The following PSD4 variants were observed in gnomAD, a reference collection of about 807,000 sequenced individuals.
PSD4 encodes PH and SEC7 domain-containing protein 4.
A neutral mutation model predicts 112.5 loss-of-function variants in PSD4; 59 were observed. The ratio of observed to expected loss-of-function variants is 0.52; its 90% CI spans 0.43 to 0.65. PSD4 has a LOEUF of 0.65. Among genes scored for constraint, PSD4 ranks in the 30% least tolerant of loss-of-function variants. PSD4 has a pLI of 0.00. For missense variants in PSD4, 1,267 were observed against 1,352.6 expected, an observed-to-expected ratio of 0.94 and a Z score of 0.99; for synonymous variants, 533 against 540.0, an observed-to-expected ratio of 0.99 and a Z score of 0.18.
At chr2:113,193,464 G>C in intron 8 of PSD4, 94 bp downstream of exon 8, 1 of 1,479,320 alleles carries the variant, frequency 6.8e-7, no homozygotes, top group African/African-American at 1.4e-5. Flanking sequence ...ACTGGTGGGA[G>C]TGTGTTGGGG....
Position 113,192,512 on chromosome 2 carries a change from A to T in PSD4, c.1761A>T (p.Val587=), listed in dbSNP as rs1235536030. The T allele has an allele frequency of 6.2e-7, 1 of 1,614,122 alleles. No homozygotes were observed. The highest frequency in any genetic ancestry group is 1.7e-5 in the Admixed American group (1 of 60,012). ...CTAATGGCGTCAGGAACAACAAGGTAGCCTGGAACTTGGCCTCACGCCTCT... is the reference window on the plus strand; with the variant it reads ...CTAATGGCGTCAGGAACAACAAGGTTGCCTGGAACTTGGCCTCACGCCTCT... ...KLANGVRNNK[V]AWNLASRLYR... is the part of the protein sequence containing the mutation. The change falls in exon 6 of 17, where the codon GTA becomes GTT. Residue 587 remains valine, a synonymous_variant. Transcript: ENST00000245796.
Position 113,199,223 on chromosome 2 carries a change from C to A in PSD4, c.2910C>A (p.Tyr970Ter). 1 of 1,493,692 alleles carries A rather than the reference C, an allele frequency of 6.7e-7. No individual in the cohort carries two copies. The highest frequency in any genetic ancestry group is 2.4e-5 in the Admixed American group (1 of 41,994). The allele number at this position is 1,493,692 out of a possible 1,614,324, so 92.5% of individuals were successfully genotyped here. The change falls in exon 16 of 17, where the codon TAC becomes TAA. Residue 970 changes from tyrosine to a stop codon, truncating the protein, a stop_gained. Transcript: ENST00000245796. LOFTEE classifies it high-confidence loss of function. Reference sequence around the variant, plus strand: ...GCCTGCGGAAGGAGTACCTGGAGTACGAGGTGAGCGGCCGAGCCCACCTCC... The same window carrying A: ...GCCTGCGGAAGGAGTACCTGGAGTAAGAGGTGAGCGGCCGAGCCCACCTCC... ...EHRLRKEYLE[Y>*]EKTRYETYVQ...
intron 1 of PSD4, among the ~76,000 whole-genome samples, chr2:113,176,139 C>A (rs1687966806): frequency 6.6e-6 from 1 of 152,202 alleles, no homozygotes; most frequent in Non-Finnish European, 1.5e-5. Flanking sequence ...CATACCCCAG[C>A]CTCTGTGCCC....
chr2:113,197,297 A>G, intron 12 of PSD4: 1 of 514,596 alleles, frequency 1.9e-6, no homozygotes. Flanking sequence ...TGGAGAGAAG[A>G]TGATATGTAT....
chr2:113,196,495 T>TTC (rs1351726533), intron 12 of PSD4, 188 bp downstream of exon 12: 5 of 694,544 alleles, frequency 7.2e-6, no homozygotes, highest in Non-Finnish European at 1.1e-5. Context: ...CACTAGAGGG[T>TTC]AGGTAGGAGA....
At chr2:113,198,528 T>C (rs976313484) in intron 14 of PSD4, 1 of 480,536 alleles carries the variant, frequency 2.1e-6, no homozygotes, top group Non-Finnish European at 3.5e-6. Flanking sequence ...TGCCAAGGCG[T>C]TGCCACCGCA....
Position 113,201,361 on chromosome 2 carries a change from A to G in PSD4, c.3117A>G (p.Ser1039=). 1 of 1,614,036 alleles carries G rather than the reference A, an allele frequency of 6.2e-7. No homozygotes were observed. Among genetic ancestry groups the G allele is most frequent in the Non-Finnish European group, 8.5e-7 (1 of 1,179,876 alleles). ...PTTAKVKRNI[S]ERRTYRKIIP... ...CGGCCAAGGTGAAGCGCAACATCTC[A>G]GAGCGCAGAACCTACCGGAAGATCA... Residue 1039 remains serine, a synonymous_variant, in exon 17 of 17, where the codon TCA becomes TCG. Transcript: ENST00000245796.
At chr2:113,193,018 G>A (rs764565622) in intron 6 of PSD4, 30 bp from the exon 7 acceptor site, 2 of 1,603,566 alleles carry the variant, frequency 1.2e-6, no homozygotes, top group Admixed American at 3.3e-5. Flanking sequence ...GGCCCCTGGT[G>A]CAGACTCCAT....
intron 5 of PSD4, among the ~76,000 whole-genome samples, chr2:113,190,944 T>C (rs1373447383): frequency 6.6e-6 from 1 of 152,264 alleles, no homozygotes; most frequent in East Asian, 1.9e-4. Context: ...CATTATTTAC[T>C]ATGAAAGTAT....
chr2:113,199,019 C>G (rs1463267964), intron 15 of PSD4, 64 bp from the exon 16 acceptor site: 1 of 1,510,492 alleles, frequency 6.6e-7, no homozygotes, highest in Non-Finnish European at 8.8e-7. Context: ...GGCGGCGCGC[C>G]CGGGCCCGGA....
chr2:113,185,807 C>G, intron 4 of PSD4, 70 bp from the exon 5 acceptor site: 1 of 1,559,038 alleles, frequency 6.4e-7, no homozygotes, highest in Non-Finnish European at 8.7e-7. Flanking sequence ...GAGGGAGCCT[C>G]TGGAGGTGGT....
Position 113,198,922 on chromosome 2 carries a change from G to C in PSD4, c.2769+38G>C, listed in dbSNP as rs1383978914. On this transcript the variant is annotated intron_variant, in intron 15 of 16. Coordinates refer to ENST00000245796, the MANE Select transcript of PSD4 (RefSeq NM_012455.3). ...GGAAGGGGTGGGGTCCGGCGGAACT[G>C]GGAATGTGCACCTGGAGCCCCAGGA... 2.6e-6 allele frequency: 4 copies of C among 1,544,630 alleles called. No homozygotes were observed. In the East Asian group the frequency reaches 9.7e-5, roughly 37 times the overall value.
At position 113,201,705 on chromosome 2, in the gene PSD4, C is replaced by T. The variant is rs1688783434; in HGVS notation, c.*290C>T. 4 of 461,370 alleles carry T rather than the reference C, an allele frequency of 8.7e-6. No homozygotes were observed. Among genetic ancestry groups the T allele is most frequent in the Non-Finnish European group, 1.6e-5 (4 of 254,468 alleles). 28.6% of individuals were successfully genotyped at this position (461,370 alleles called of 1,614,324 possible). The stretch of plus-strand genomic sequence containing the variant: ...CTTGACTTTCCTCCCAGAGCTCAGC[C>T]CATGTCACCCTCCAGGCCCCAGAAT... On this transcript the variant is annotated 3_prime_UTR_variant, in exon 17 of 17. Coordinates refer to ENST00000245796, the MANE Select transcript of PSD4 (RefSeq NM_012455.3).
intron 14 of PSD4, 100 bp from the exon 15 acceptor site, chr2:113,198,640 A>C: frequency 1.4e-6 from 2 of 1,382,102 alleles, no homozygotes; most frequent in South Asian, 2.9e-5. Context: ...CTGAGTTCTG[A>C]GCAGCTGGCC....
chr2:113,190,433 T>A (rs1688413960), intron 5 of PSD4, among the ~76,000 whole-genome samples: 1 of 152,136 alleles, frequency 6.6e-6, no homozygotes, highest in East Asian at 1.9e-4. Flanking sequence ...TCAAAACAGC[T>A]GTTATTATTA....
rs1278417162 is a variant in PSD4, at chr2:113,185,671, T to C, written c.1250-206T>C. On this transcript the variant is annotated intron_variant, in intron 4 of 16. Coordinates refer to ENST00000245796, the MANE Select transcript of PSD4 (RefSeq NM_012455.3). Reference sequence around the variant, plus strand: ...GGTCTTAATGGTTTAGCAAAGGTCCTGAGCCCTTAGTTGCCTGGAGGCTTG... The same window carrying C: ...GGTCTTAATGGTTTAGCAAAGGTCCCGAGCCCTTAGTTGCCTGGAGGCTTG... 5 of 1,547,972 alleles carry C rather than the reference T, an allele frequency of 3.2e-6. No homozygotes were observed. The East Asian group carries it at 1.2e-4, about 38-fold the overall frequency.
chr2:113,199,505 A>G (rs45487895), intron 16 of PSD4, among the ~76,000 whole-genome samples: 7,600 of 152,372 alleles, frequency 0.05, 295 homozygotes, highest in Non-Finnish European at 0.075. Context: ...GGAAACACCC[A>G]TAGCAGATGT....
rs944465325 is a variant in PSD4 at position 113,201,333 on chromosome 2, C to T, written c.3089C>T (p.Thr1030Ile). ...SPSLHQDEAP[T>I]TAKVKRNISE... ...TCCCTGCACCAGGATGAGGCTCCCA[C>T]CACGGCCAAGGTGAAGCGCAACATC... The change falls in exon 17 of 17, where the codon ACC (threonine) becomes ATC (isoleucine). Residue 1030 changes from threonine (T) to isoleucine (I), a missense_variant. Transcript: ENST00000245796. The T allele has an allele frequency of 3.1e-6, 5 of 1,614,100 alleles. No homozygotes were observed. The highest frequency in any genetic ancestry group is 1.1e-5 in the South Asian group (1 of 91,092).
In PSD4 at chr2:113,180,230, G is replaced by A. The variant is rs149919801; in HGVS notation, c.-111-2116G>A. ...GGGCCAAGCCTGGGCTGAAGGCCGC[G>A]CGAATCACCTCCGTTAACCCTAGCT... On this transcript the variant is annotated intron_variant, in intron 1 of 16. Transcript: ENST00000245796. Among the ~76,000 whole-genome samples, 895 of 152,288 alleles carry A rather than the reference G, an allele frequency of 5.9e-3. 12 individuals are homozygous for A. The highest frequency in any genetic ancestry group is 0.018 in the African/African-American group (733 of 41,574).
Sources: gnomAD v4.1 joint callset for allele counts (sites outside exome capture counted in the v4.1 genomes callset) on GRCh38, gnomAD v4.1.1 for gene constraint, MANE v1.5 for transcripts, NCBI Gene and HGNC (gene_info 2026-07-23, HGNC 2026-07-21) for gene names.